Variants in PSME3 observed in about 807,000 individuals in gnomAD.
The protein encoded by PSME3 is proteasome activator complex subunit 3.
In PSME3, 7 loss-of-function variants were observed where a neutral mutation model predicts 38.3. That is an observed-to-expected ratio of 0.18 (90% CI 0.10 to 0.34). The LOEUF (loss-of-function observed/expected upper bound fraction) is 0.34, where lower values mean the gene tolerates loss of function less well. Among genes scored for constraint, PSME3 ranks in the 10% least tolerant of loss-of-function variants. The pLI is 1.00. For missense variants in PSME3, 192 were observed against 307.6 expected (o/e 0.62, Z 2.81); for synonymous variants, 108 against 105.7 (o/e 1.02, Z -0.13).
chr17:42,837,895 CT>C (rs769269759), intron 5 of PSME3, 197 bp from the exon 6 acceptor site: 1 of 867,738 alleles, frequency 1.2e-6, no homozygotes, highest in Non-Finnish European at 1.8e-6. Flanking sequence ...GGATTTAAGA[CT>C]TTTGTTATGT....
chr17:42,836,304 C>T (rs184472250), intron 4 of PSME3, among the ~76,000 whole-genome samples: 36 of 152,162 alleles, frequency 2.4e-4, no homozygotes, highest in African/African-American at 6.3e-4. Flanking sequence ...CGTGCTCGGC[C>T]GGCAGGAGCT....
intron 10 of PSME3, among the ~76,000 whole-genome samples, chr17:42,841,101 C>G (rs2055526979): frequency 1.3e-5 from 2 of 149,262 alleles, no homozygotes; most frequent in Admixed American, 1.3e-4. Context: ...CCATTGCACT[C>G]CAGCCTGAGC....
chr17:42,839,450 T>A, intron 10 of PSME3, 70 bp downstream of exon 10: 1 of 1,303,810 alleles, frequency 7.7e-7, no homozygotes, highest in Non-Finnish European at 1.1e-6. Context: ...ATTGTTAAAA[T>A]TCTCTGAAGG....
In PSME3 at chr17:42,835,010, G is replaced by A. The variant is rs1441643996; in HGVS notation, c.243+134G>A. 3 of 1,290,904 alleles carry A rather than the reference G, an allele frequency of 2.3e-6. No homozygotes were observed. The East Asian group carries it at 7.7e-5, about 33-fold the overall frequency. 80.0% of individuals were successfully genotyped at this position (1,290,904 alleles called of 1,614,324 possible). ...ACTAGGACTCTGTTACAGACATGAT[G>A]ACTCTAGTATAGTTCTTTTATTTCT... is the stretch of plus-strand genomic sequence containing the variant. On this transcript the variant is annotated intron_variant, in intron 4 of 10. Transcript: ENST00000590720.
chr17:42,841,132 C>CAAA (rs35142424), intron 10 of PSME3, among the ~76,000 whole-genome samples: 4 of 63,758 alleles, frequency 6.3e-5, no homozygotes, highest in East Asian at 5.2e-4. Context: ...GACCGTGTCT[C>CAAA]AAAAAAAAAA....
intron 5 of PSME3, 74 bp from the exon 6 acceptor site, chr17:42,838,019 G>T: frequency 6.6e-7 from 1 of 1,514,172 alleles, no homozygotes; most frequent in Non-Finnish European, 9.2e-7. Context: ...TAGGTATAGG[G>T]AAAATGAGAG....
intron 1 of PSME3, chr17:42,833,982 C>T (rs931922371): frequency 1.4e-6 from 2 of 1,437,086 alleles, no homozygotes; most frequent in South Asian, 1.5e-5. Context: ...CTGCCCCTGC[C>T]CTTGGCGGCT....
At chr17:42,834,437 G>GGAGA (rs59492997) in intron 2 of PSME3, 61 bp downstream of exon 2, 29,948 of 1,533,558 alleles carry the variant, frequency 0.02, 118 homozygotes, top group South Asian at 0.075. Context: ...GGAGATACCT[G>GGAGA]GAGAGAGAGA....
At chr17:42,838,309 T>C in intron 6 of PSME3, 104 bp downstream of exon 6, 1 of 1,500,248 alleles carries the variant, frequency 6.7e-7, no homozygotes, top group Non-Finnish European at 8.9e-7. Flanking sequence ...GACTAGGTTT[T>C]TTTGAGTTTT....
intron 6 of PSME3, 87 bp from the exon 7 acceptor site, chr17:42,838,643 TC>T (rs777408456): frequency 7.9e-7 from 1 of 1,258,698 alleles, no homozygotes; most frequent in South Asian, 1.2e-5. Context: ...ACTTCTGTGT[TC>T]CTGGCATCTG....
chr17:42,833,794 C>T, intron 1 of PSME3, 121 bp downstream of exon 1: 1 of 1,594,622 alleles, frequency 6.3e-7, no homozygotes, highest in Non-Finnish European at 8.5e-7. Context: ...TTCCGCTCGG[C>T]TCAGCCCAGC....
Position 42,838,141 on chromosome 17 carries a change from A to T in PSME3, c.341A>T (p.Gln114Leu), listed in dbSNP as rs745562824. 6.2e-7 allele frequency: 1 copy of T among 1,614,178 alleles called. No homozygotes were observed. Among genetic ancestry groups the T allele is most frequent in the Non-Finnish European group, 8.5e-7 (1 of 1,180,032 alleles). The change falls in exon 6 of 11, where the codon CAG (glutamine) becomes CTG (leucine). Residue 114 changes from glutamine to leucine, a missense_variant. By Grantham distance (113) the Gln-to-Leu change is moderately radical. Transcript: ENST00000590720. Reference protein sequence around the residue: ...MPNGMLKSNQQLVDIIEKVKP... With the variant: ...MPNGMLKSNQLLVDIIEKVKP... ...AATGGGATGCTGAAAAGCAACCAGC[A>T]GCTGGTGGACATTATTGAGAAAGTG...
At chr17:42,841,365 A>G (rs1465596385) in intron 10 of PSME3, 133 bp from the exon 11 acceptor site, 2 of 428,382 alleles carry the variant, frequency 4.7e-6, no homozygotes, top group Non-Finnish European at 8.2e-6. Flanking sequence ...CGCAGTTGCT[A>G]AGAACCTATT....
chr17:42,833,523 G>C lies in PSME3; in HGVS notation c.-109G>C. On this transcript the variant is annotated 5_prime_UTR_variant, in exon 1 of 11. Coordinates refer to ENST00000590720, the MANE Select transcript of PSME3 (RefSeq NM_005789.4). ...AGCGAGCAGTGAGTAAGCCAGCAAG[G>C]GCGGTCGGGTCCCGAGGTCAGCCGA... The C allele has an allele frequency of 2.1e-6, 3 of 1,413,850 alleles. No homozygotes were observed. The highest frequency in any genetic ancestry group is 3.0e-6 in the Non-Finnish European group (3 of 1,008,740). 87.6% of individuals were successfully genotyped at this position (1,413,850 alleles called of 1,614,324 possible). A position where few individuals can be genotyped will look rare whatever the true frequency, so the allele number is the denominator to read the frequency against.
rs2055552778 is a variant in PSME3, at chr17:42,842,942, A to G, written c.*1364A>G. 7 of 152,628 alleles carry G rather than the reference A, an allele frequency of 4.6e-5. No homozygotes were observed. The Admixed American group carries it at 4.6e-4, about 10-fold the overall frequency. The allele number at this position is 152,628 out of a possible 1,614,324, so 9.5% of individuals were successfully genotyped here. A position where few individuals can be genotyped will look rare whatever the true frequency, so the allele number is the denominator to read the frequency against. On this transcript the variant is annotated 3_prime_UTR_variant, in exon 11 of 11. Transcript: ENST00000590720. ...ACCCCCAATAATATTTCCACCGGGGATGCATCATTTTTACTCCCAATATTC... is the reference window on the plus strand; with the variant it reads ...ACCCCCAATAATATTTCCACCGGGGGTGCATCATTTTTACTCCCAATATTC...
rs540096002 is a variant in PSME3 at position 42,836,266 on chromosome 17, A to T, written c.244-1383A>T. Among the ~76,000 whole-genome samples the T allele has an allele frequency of 5.3e-5, 8 of 151,888 alleles. No individual in the cohort carries two copies. In the South Asian group the frequency reaches 1.7e-3, roughly 32 times the overall value. On this transcript the variant is annotated intron_variant, in intron 4 of 10. Coordinates refer to ENST00000590720, the MANE Select transcript of PSME3 (RefSeq NM_005789.4). ...GTGATCCGCCCGCCTCAGCCTCCCA[A>T]AGTGCTGGGATTACAGCCATGAGCC...
In PSME3 at chr17:42,841,832, T is replaced by A; in HGVS notation, c.*254T>A. 1 of 352,250 alleles carries A rather than the reference T, an allele frequency of 2.8e-6. No individual in the cohort carries two copies. The highest frequency in any genetic ancestry group is 7.2e-5 in the South Asian group (1 of 13,916). The allele number at this position is 352,250 out of a possible 1,614,324, so 21.8% of individuals were successfully genotyped here. ...GTCGTAATTTCTGGAGAACTCCAGG[T>A]TTGTGTGTGCAGGATGTTGGCACAA... On this transcript the variant is annotated 3_prime_UTR_variant, in exon 11 of 11. Transcript: ENST00000590720.
chr17:42,841,513 A>G lies in PSME3; in HGVS notation c.700A>G (p.Met234Val). ...LRNQYVTLHDMILKNIEKIKR... is the reference protein window; with the variant it reads ...LRNQYVTLHDVILKNIEKIKR... ...CTTCTCTCAGGTCACTCTACATGAC[A>G]TGATCCTGAAAAATATCGAGAAGAT... Residue 234 changes from methionine (M) to valine (V), a missense_variant, in exon 11 of 11, where the codon ATG becomes GTG. Physicochemically the swap from Met to Val is conservative, Grantham distance 21. Around this residue, in one of 2 missense-constraint regions of PSME3, gnomAD observed 82 missense variants for 168.2 expected, o/e 0.49. Coordinates refer to ENST00000590720, the MANE Select transcript of PSME3 (RefSeq NM_005789.4). The G allele has an allele frequency of 6.2e-7, 1 of 1,606,452 alleles. No homozygotes were observed. The highest frequency in any genetic ancestry group is 8.5e-7 in the Non-Finnish European group (1 of 1,174,022).
intron 10 of PSME3, 31 bp from the exon 11 acceptor site, chr17:42,841,465 GAT>G: frequency 7.0e-7 from 1 of 1,431,278 alleles, no homozygotes; most frequent in Non-Finnish European, 9.7e-7. Flanking sequence ...GGGTTGTACA[GAT>G]ATGTGATTCC....
Sources: gnomAD v4.1 joint callset for allele counts (sites outside exome capture counted in the v4.1 genomes callset) on GRCh38, gnomAD v4.1.1 for gene constraint, gnomAD v4.1.1 regional missense constraint, MANE v1.5 for transcripts, NCBI Gene and HGNC (gene_info 2026-07-23, HGNC 2026-07-21) for gene names.